The following PHF14 variants were observed in gnomAD, a reference collection of about 807,000 sequenced individuals.
PHF14 encodes PHD finger protein 14.
Under a neutral mutation model 117.9 loss-of-function variants are expected in PHF14, and 55 were observed. That is an observed-to-expected ratio of 0.47 (90% confidence interval 0.38 to 0.58). PHF14 has a LOEUF of 0.58. PHF14 is among the 20% of genes least tolerant of loss of function. PHF14 has a pLI of 0.00. For synonymous variants in PHF14, 409 were observed against 368.6 expected (o/e 1.11, Z -1.26); for missense variants, 978 against 1,122.2 (o/e 0.87, Z 1.84).
At chr7:10,995,751 A>C (rs1782621628) in intron 4 of PHF14, among the ~76,000 whole-genome samples, 1 of 152,172 alleles carries the variant, frequency 6.6e-6, no homozygotes, top group African/African-American at 2.4e-5. Context: ...GCGGGCCAGC[A>C]CTGCTGGGGG....
chr7:10,988,028 A>AG (rs1435367368), intron 3 of PHF14, among the ~76,000 whole-genome samples: 2 of 151,350 alleles, frequency 1.3e-5, no homozygotes, highest in African/African-American at 4.8e-5. Context: ...AAAAAAAAAA[A>AG]AAAAGAAAAA....
intron 16 of PHF14, among the ~76,000 whole-genome samples, chr7:11,081,801 A>G (rs1250291105): frequency 6.6e-6 from 1 of 151,736 alleles, no homozygotes; most frequent in Non-Finnish European, 1.5e-5. Context: ...GGTTGCAGTG[A>G]GCTGAGATCG....
intron 16 of PHF14, among the ~76,000 whole-genome samples, chr7:11,071,696 G>T (rs1186188119): frequency 6.6e-6 from 1 of 152,102 alleles, no homozygotes; most frequent in African/African-American, 2.4e-5. Context: ...TCCAGCGTCA[G>T]GCAACCACTG....
chr7:11,076,707 A>G (rs1785867494), intron 16 of PHF14, among the ~76,000 whole-genome samples: 1 of 151,318 alleles, frequency 6.6e-6, no homozygotes, highest in South Asian at 2.1e-4. Context: ...AGCTGAGATT[A>G]CAGGTGCACA....
At chr7:11,064,916 A>G (rs1785373634) in intron 16 of PHF14, among the ~76,000 whole-genome samples, 1 of 152,072 alleles carries the variant, frequency 6.6e-6, no homozygotes, top group African/African-American at 2.4e-5. Context: ...TTCTTTCCAT[A>G]TAAAATGTTA....
intron 2 of PHF14, among the ~76,000 whole-genome samples, chr7:10,979,007 A>G (rs1220867434): frequency 1.3e-5 from 2 of 152,154 alleles, no homozygotes; most frequent in Non-Finnish European, 2.9e-5. Context: ...TCTATTGTGT[A>G]TATTTATAGT....
chr7:11,111,594 T>C, intron 17 of PHF14, 127 bp downstream of exon 17: 1 of 545,624 alleles, frequency 1.8e-6, no homozygotes, highest in Non-Finnish European at 3.3e-6. Flanking sequence ...CAGTACACCT[T>C]AAGAATATAT....
intron 10 of PHF14, 88 bp from the exon 11 acceptor site, chr7:11,038,667 AAAATT>A: frequency 2.7e-6 from 1 of 366,734 alleles, no homozygotes; most frequent in Non-Finnish European, 4.6e-6. Flanking sequence ...AAAAAAAAAA[AAAATT>A]ATATATATAT....
rs1354576632 is a variant in PHF14, at chr7:11,103,865, T to A, written c.2655-7485T>A. 5.1e-6 allele frequency: 5 copies of A among 981,194 alleles called. No individual in the cohort carries two copies. The African/African-American group carries it at 8.8e-5, about 17-fold the overall frequency. The allele number at this position is 981,194 out of a possible 1,614,324, so 60.8% of individuals were successfully genotyped here. The stretch of plus-strand genomic sequence containing the variant: ...AACAGATTATTAGCTTATTGAAAGA[T>A]CTCATAACATTGGAGGAAAAATATT... On this transcript the variant is annotated intron_variant, in intron 16 of 17. Coordinates refer to ENST00000634607, the MANE Select transcript of PHF14 (RefSeq NM_001007157.2).
At chr7:11,156,345 A>G (rs897515512) in intron 17 of PHF14, among the ~76,000 whole-genome samples, 3 of 152,236 alleles carry the variant, frequency 2.0e-5, no homozygotes, top group African/African-American at 4.8e-5. Context: ...TGAAAAATTA[A>G]TGTGCCATGG....
chr7:11,034,801 G>A (rs556275515), intron 7 of PHF14, among the ~76,000 whole-genome samples: 3 of 151,486 alleles, frequency 2.0e-5, no homozygotes, highest in Non-Finnish European at 4.4e-5. Flanking sequence ...TGCTTGCCTC[G>A]GTCTCCCAAA....
At chr7:11,124,132 A>G (rs572255060) in intron 17 of PHF14, among the ~76,000 whole-genome samples, 3 of 148,962 alleles carry the variant, frequency 2.0e-5, no homozygotes, top group Non-Finnish European at 4.5e-5. Flanking sequence ...AAAATATTGT[A>G]AAAGTAGTAA....
intron 13 of PHF14, 23 bp from the exon 14 acceptor site, chr7:11,051,589 T>G: frequency 6.3e-7 from 1 of 1,590,012 alleles, no homozygotes. Flanking sequence ...AATGCATGAC[T>G]TAAATTTTTC....
chr7:11,123,828 G>A (rs1326199581), intron 17 of PHF14, among the ~76,000 whole-genome samples: 1 of 147,760 alleles, frequency 6.8e-6, no homozygotes, highest in African/African-American at 2.7e-5. Flanking sequence ...CAGCCTGGGT[G>A]AATCGCTTGA....
chr7:11,000,526 A>G (rs1264616055), intron 4 of PHF14, among the ~76,000 whole-genome samples: 4 of 151,654 alleles, frequency 2.6e-5, no homozygotes, highest in Non-Finnish European at 5.9e-5. Flanking sequence ...TTTAGTAGAG[A>G]TGGGGTTTTG....
chr7:11,041,272 T>G (rs2128323644), intron 12 of PHF14, among the ~76,000 whole-genome samples: 1 of 152,066 alleles, frequency 6.6e-6, no homozygotes, highest in African/African-American at 2.4e-5. Context: ...AGTATTTTTG[T>G]TTTTTACTTT....
rs1280678194 is a variant in PHF14, at chr7:11,017,108, A to G, written c.1205+3202A>G. Among the ~76,000 whole-genome samples, 5 of 152,076 alleles carry G rather than the reference A, an allele frequency of 3.3e-5. No homozygotes were observed. In the East Asian group the frequency reaches 5.8e-4, roughly 18 times the overall value. On this transcript the variant is annotated intron_variant, in intron 5 of 17. Transcript: ENST00000634607. ...ATTCTTTTTTATGGCTTAGTACTCCATTGTGTATTGTGTACCACAATTTCT... is the reference window on the plus strand; with the variant it reads ...ATTCTTTTTTATGGCTTAGTACTCCGTTGTGTATTGTGTACCACAATTTCT...
chr7:11,018,983 C>T (rs2128317635), intron 5 of PHF14, among the ~76,000 whole-genome samples: 1 of 152,262 alleles, frequency 6.6e-6, no homozygotes. Flanking sequence ...TTTTCAGCAT[C>T]AGTTGAAATG....
chr7:11,138,039 T>C lies in PHF14; in HGVS notation c.2772+26572T>C, dbSNP rs528250963. Reference sequence around the variant, plus strand: ...TTCATGAGGAAACAGGGAAAAATACTTCTTTTTTTTTTTTTGAGACGGAGT... The same window carrying C: ...TTCATGAGGAAACAGGGAAAAATACCTCTTTTTTTTTTTTTGAGACGGAGT... On this transcript the variant is annotated intron_variant, in intron 17 of 17. Coordinates refer to ENST00000634607, the MANE Select transcript of PHF14 (RefSeq NM_001007157.2). Among the ~76,000 whole-genome samples, 98 of 117,586 alleles carry C rather than the reference T, an allele frequency of 8.3e-4. 1 individual carries two copies. The highest frequency in any genetic ancestry group is 2.7e-3 in the South Asian group (10 of 3,660). 77.1% of individuals were successfully genotyped at this position (117,586 alleles called of 152,430 possible).
Sources: gnomAD v4.1 joint callset for allele counts (sites outside exome capture counted in the v4.1 genomes callset) on GRCh38, gnomAD v4.1.1 for gene constraint, MANE v1.5 for transcripts, NCBI Gene and HGNC (gene_info 2026-07-23, HGNC 2026-07-21) for gene names.